Variants in FHIT observed in about 807,000 individuals in gnomAD.
The protein encoded by FHIT is fragile histidine triad diadenosine triphosphatase, also known as bis(5'-adenosyl)-triphosphatase.
A neutral mutation model predicts 17.9 loss-of-function variants in FHIT; 19 were observed. The observed-to-expected ratio is 1.06, with a 90% CI of 0.74 to 1.56. The LOEUF is 1.56. Among genes scored for constraint, FHIT ranks in the 40% most tolerant of loss-of-function variants. The probability of loss-of-function intolerance (pLI) is 0.00; values close to 1 mark genes in which losing one functional copy is unlikely to be tolerated. For synonymous variants in FHIT, 81 were observed against 69.7 expected, an observed-to-expected ratio of 1.16 and a Z score of -0.81; for missense variants, 248 against 189.2, an observed-to-expected ratio of 1.31 and a Z score of -1.82.
intron 8 of FHIT, among the ~76,000 whole-genome samples, chr3:59,763,259 G>C (rs1300209600): frequency 6.6e-6 from 1 of 152,200 alleles, no homozygotes; most frequent in Non-Finnish European, 1.5e-5. Context: ...CGGAAGCACA[G>C]TGTAGGCAAG....
chr3:61,143,787 A>G (rs1382975457), intron 2 of FHIT, among the ~76,000 whole-genome samples: 2 of 152,096 alleles, frequency 1.3e-5, no homozygotes, highest in Non-Finnish European at 2.9e-5. Context: ...AATTGCTTGA[A>G]CCCAGGAGGC....
chr3:60,944,383 C>T (rs191540810), intron 3 of FHIT, among the ~76,000 whole-genome samples: 1 of 151,978 alleles, frequency 6.6e-6, no homozygotes, highest in East Asian at 1.9e-4. Flanking sequence ...ATCACTGGAA[C>T]CAAACAATCA....
At chr3:60,851,691 C>T (rs1192523419) in intron 3 of FHIT, among the ~76,000 whole-genome samples, 1 of 152,212 alleles carries the variant, frequency 6.6e-6, no homozygotes, top group African/African-American at 2.4e-5. Context: ...CCCCACAGAA[C>T]TTTATCATGT....
At chr3:59,882,668 G>A (rs1575637711) in intron 8 of FHIT, among the ~76,000 whole-genome samples, 1 of 152,150 alleles carries the variant, frequency 6.6e-6, no homozygotes, top group African/African-American at 2.4e-5. Context: ...TTGGTAGGAG[G>A]AACATGTAGA....
chr3:59,986,536 TATATACACACACAC>T (rs1708926739), intron 7 of FHIT, among the ~76,000 whole-genome samples: 1 of 11,566 alleles, frequency 8.6e-5, no homozygotes, highest in African/African-American at 4.8e-4. Context: ...TATATATATA[TATATACACACACAC>T]ACACACACAC....
At chr3:60,500,770 CT>C (rs1559495502) in intron 5 of FHIT, among the ~76,000 whole-genome samples, 1 of 45,102 alleles carries the variant, frequency 2.2e-5, no homozygotes. Flanking sequence ...GAGCATCCAT[CT>C]AAAAAAAAAA....
chr3:60,038,964 G>T (rs1464432383), intron 5 of FHIT, among the ~76,000 whole-genome samples: 1 of 152,136 alleles, frequency 6.6e-6, no homozygotes, highest in Admixed American at 6.5e-5. Flanking sequence ...TCTGGAGGGG[G>T]TGGTCAGGAA....
chr3:60,581,580 G>C (rs1436197814), intron 4 of FHIT, among the ~76,000 whole-genome samples: 1 of 151,948 alleles, frequency 6.6e-6, no homozygotes, highest in Non-Finnish European at 1.5e-5. Context: ...TAAAACATTA[G>C]ATTCATATCT....
At chr3:60,567,137 A>T (rs1313141752) in intron 4 of FHIT, among the ~76,000 whole-genome samples, 1 of 152,078 alleles carries the variant, frequency 6.6e-6, no homozygotes, top group Non-Finnish European at 1.5e-5. Context: ...ACCAAAAAAG[A>T]GCCCACACTG....
chr3:60,871,200 C>A (rs1209069062), intron 3 of FHIT, among the ~76,000 whole-genome samples: 2 of 152,076 alleles, frequency 1.3e-5, no homozygotes, highest in African/African-American at 4.8e-5. Flanking sequence ...ATATCAGAAG[C>A]ATTATAATAA....
chr3:60,050,334 T>C (rs1034746043), intron 5 of FHIT, among the ~76,000 whole-genome samples: 2 of 152,184 alleles, frequency 1.3e-5, no homozygotes, highest in Non-Finnish European at 2.9e-5. Flanking sequence ...TTCAAGAAAT[T>C]CTACCCTAGT....
chr3:60,025,467 C>G (rs1011034863), intron 5 of FHIT, among the ~76,000 whole-genome samples: 6 of 151,636 alleles, frequency 4.0e-5, no homozygotes, highest in African/African-American at 1.5e-4. Flanking sequence ...ATCTAATATA[C>G]CCAGTACTAA....
At chr3:60,201,536 A>AC (rs1461156213) in intron 5 of FHIT, among the ~76,000 whole-genome samples, 2 of 151,524 alleles carry the variant, frequency 1.3e-5, no homozygotes, top group African/African-American at 2.4e-5. Context: ...CAACCACCCT[A>AC]CCCCCCAAAA....
At chr3:60,147,829 G>A (rs1382282839) in intron 5 of FHIT, among the ~76,000 whole-genome samples, 3 of 152,178 alleles carry the variant, frequency 2.0e-5, no homozygotes, top group South Asian at 2.1e-4. Context: ...GTTGTCGAAC[G>A]ACCTCGGGGA....
intron 7 of FHIT, among the ~76,000 whole-genome samples, chr3:59,948,727 T>C (rs924920955): frequency 1.3e-5 from 2 of 152,076 alleles, no homozygotes; most frequent in South Asian, 4.1e-4. Context: ...GCTGGTGACG[T>C]TGAGTATCTT....
At chr3:60,633,237 C>A (rs1577004197) in intron 4 of FHIT, among the ~76,000 whole-genome samples, 1 of 152,124 alleles carries the variant, frequency 6.6e-6, no homozygotes, top group Admixed American at 6.5e-5. Context: ...GTCAAACCAC[C>A]TGATTCCACA....
intron 3 of FHIT, among the ~76,000 whole-genome samples, chr3:60,917,462 C>T (rs1425079258): frequency 1.3e-5 from 2 of 152,168 alleles, no homozygotes; most frequent in African/African-American, 4.8e-5. Context: ...CTTTTCAGCC[C>T]TCTACTGGTT....
chr3:60,494,230 C>G (rs569152012), intron 5 of FHIT, among the ~76,000 whole-genome samples: 1 of 152,198 alleles, frequency 6.6e-6, no homozygotes, highest in Non-Finnish European at 1.5e-5. Context: ...CCACTCCTAA[C>G]CCCTGGTACC....
At chr3:59,824,999 G>T (rs544752175) in intron 8 of FHIT, among the ~76,000 whole-genome samples, 3 of 152,144 alleles carry the variant, frequency 2.0e-5, no homozygotes, top group Admixed American at 1.3e-4. Context: ...GTTTTCAAAG[G>T]ACTTTTGAAA....
Sources: allele counts gnomAD v4.1 joint callset (sites outside exome capture counted in the v4.1 genomes callset), GRCh38; gene constraint gnomAD v4.1.1; transcripts MANE v1.5; gene names NCBI Gene and HGNC (gene_info 2026-07-23, HGNC 2026-07-21).